Variants in ITPR2 observed in about 807,000 individuals in gnomAD.
ITPR2 encodes the protein inositol 1,4,5-trisphosphate-gated calcium channel ITPR2.
ITPR2 carries 207 observed loss-of-function variants against 317.1 expected under a neutral mutation model. The observed-to-expected ratio is 0.65, with a 90% CI of 0.58 to 0.73. The LOEUF is 0.73. Among genes scored for constraint, ITPR2 ranks in the 30% least tolerant of loss-of-function variants. The pLI is 0.00. For missense variants in ITPR2, 2,613 were observed against 3,284.0 expected (o/e 0.80, Z 4.99); for synonymous variants, 1,156 against 1,149.1 (o/e 1.01, Z -0.12).
intron 37 of ITPR2, among the ~76,000 whole-genome samples, chr12:26,545,850 C>G (rs1565594183): frequency 6.6e-6 from 1 of 152,322 alleles, no homozygotes; most frequent in East Asian, 1.9e-4. Context: ...GGACAAAATA[C>G]AGAGATCATG....
At chr12:26,617,728 G>GGGAAGGAGGA (rs1420689374) in intron 26 of ITPR2, among the ~76,000 whole-genome samples, 9,737 of 105,150 alleles carry the variant, frequency 0.093, 316 homozygotes, top group East Asian at 0.31. Context: ...AGGAGGAAGG[G>GGGAAGGAGGA]AGGGAGGGAG....
chr12:26,715,855 C>T lies in ITPR2; in HGVS notation c.625-20G>A, dbSNP rs761659340. 1 of 1,520,058 alleles carries T rather than the reference C, an allele frequency of 6.6e-7. No individual in the cohort carries two copies. The highest frequency in any genetic ancestry group is 1.7e-5 in the Admixed American group (1 of 59,500). 94.2% of individuals were successfully genotyped at this position (1,520,058 alleles called of 1,614,324 possible). On this transcript the variant is annotated intron_variant, in intron 6 of 56. Coordinates refer to ENST00000381340, the MANE Select transcript of ITPR2 (RefSeq NM_002223.4). ...ATTCACCTATTAATGAAGAAACGTT[C>T]AAAGTTATAAGACTACAGATTCCAT...
At chr12:26,788,082 C>T (rs552563774) in intron 2 of ITPR2, among the ~76,000 whole-genome samples, 1 of 152,090 alleles carries the variant, frequency 6.6e-6, no homozygotes, top group Admixed American at 6.5e-5. Context: ...GCCACCATGC[C>T]CGGCTAATTT....
intron 5 of ITPR2, among the ~76,000 whole-genome samples, chr12:26,721,009 G>C (rs1232840570): frequency 6.6e-6 from 1 of 152,122 alleles, no homozygotes; most frequent in African/African-American, 2.4e-5. Context: ...CCTGTAGACA[G>C]GGATACTATT....
intron 2 of ITPR2, among the ~76,000 whole-genome samples, chr12:26,766,989 T>G (rs1292420423): frequency 6.6e-6 from 1 of 152,176 alleles, no homozygotes; most frequent in Non-Finnish European, 1.5e-5. Flanking sequence ...ATACATACTT[T>G]TAATTATTAT....
At chr12:26,667,109 C>A (rs926410227) in intron 13 of ITPR2, among the ~76,000 whole-genome samples, 12 of 152,282 alleles carry the variant, frequency 7.9e-5, no homozygotes, top group African/African-American at 2.9e-4. Flanking sequence ...CTGTTATTAG[C>A]ATGTGAATAC....
intron 55 of ITPR2, among the ~76,000 whole-genome samples, chr12:26,358,554 T>C (rs530547116): frequency 6.6e-6 from 1 of 152,294 alleles, no homozygotes; most frequent in South Asian, 2.1e-4. Context: ...TTGAAATCCA[T>C]CATCCCGGCT....
rs1364649186 is a variant in ITPR2 at position 26,477,021 on chromosome 12, T to C, written c.6124-14A>G. Reference sequence around the variant, plus strand: ...AGATGCATTGTTCTAGAGACACAGATTGAGTTAATGTGCATGCAAAGTCTA... The same window carrying C: ...AGATGCATTGTTCTAGAGACACAGACTGAGTTAATGTGCATGCAAAGTCTA... On this transcript the variant is annotated splice_polypyrimidine_tract_variant and intron_variant, in intron 43 of 56. Transcript: ENST00000381340. 1.3e-6 allele frequency: 2 copies of C among 1,550,644 alleles called. No individual in the cohort carries two copies. The highest frequency in any genetic ancestry group is 1.7e-5 in the Admixed American group (1 of 59,268).
intron 52 of ITPR2, among the ~76,000 whole-genome samples, chr12:26,410,124 T>C (rs1227172516): frequency 1.3e-5 from 2 of 152,168 alleles, no homozygotes; most frequent in African/African-American, 2.4e-5. Context: ...CTCACTGTTA[T>C]AGTATGTGAG....
At chr12:26,467,363 C>G (rs904397549) in intron 45 of ITPR2, among the ~76,000 whole-genome samples, 1 of 151,694 alleles carries the variant, frequency 6.6e-6, no homozygotes, top group Non-Finnish European at 1.5e-5. Context: ...CTCTATCTCT[C>G]TCTCTCTCTC....
chr12:26,433,552 G>T (rs1270306018), intron 48 of ITPR2, among the ~76,000 whole-genome samples: 4 of 152,022 alleles, frequency 2.6e-5, no homozygotes, highest in African/African-American at 9.7e-5. Context: ...TCTTCATGGT[G>T]ATTTCAATTC....
intron 32 of ITPR2, among the ~76,000 whole-genome samples, chr12:26,582,126 T>G (rs1209649508): frequency 1.3e-5 from 2 of 152,198 alleles, no homozygotes; most frequent in South Asian, 4.1e-4. Flanking sequence ...TTCAAATAAT[T>G]TTTCAAGATG....
At chr12:26,420,985 A>T (rs1940873019) in intron 49 of ITPR2, among the ~76,000 whole-genome samples, 1 of 152,164 alleles carries the variant, frequency 6.6e-6, no homozygotes, top group African/African-American at 2.4e-5. Flanking sequence ...TAAAAATAAA[A>T]TAAATAATTG....
intron 15 of ITPR2, among the ~76,000 whole-genome samples, chr12:26,663,246 C>T (rs1451539112): frequency 6.6e-6 from 1 of 152,194 alleles, no homozygotes; most frequent in Non-Finnish European, 1.5e-5. Flanking sequence ...CTGGGCTCTC[C>T]CTCTGGTGAA....
intron 2 of ITPR2, among the ~76,000 whole-genome samples, chr12:26,783,810 A>T (rs1468204834): frequency 6.6e-6 from 1 of 151,712 alleles, no homozygotes; most frequent in Non-Finnish European, 1.5e-5. Flanking sequence ...TGACAAAAGC[A>T]TCAGACAGAC....
chr12:26,363,909 C>G (rs1457330135), intron 55 of ITPR2, among the ~76,000 whole-genome samples: 1 of 151,890 alleles, frequency 6.6e-6, no homozygotes, highest in African/African-American at 2.4e-5. Context: ...TCTTCTAAAA[C>G]AAAGAAAGAC....
intron 1 of ITPR2, among the ~76,000 whole-genome samples, chr12:26,828,603 C>T (rs1269832649): frequency 6.6e-6 from 1 of 152,138 alleles, no homozygotes; most frequent in African/African-American, 2.4e-5. Flanking sequence ...ATTCCATGGC[C>T]TTAATTAAGC....
At chr12:26,449,776 T>C (rs542773075) in intron 45 of ITPR2, among the ~76,000 whole-genome samples, 8 of 152,094 alleles carry the variant, frequency 5.3e-5, no homozygotes, top group African/African-American at 1.7e-4. Flanking sequence ...TAGAAGGTAA[T>C]TGGGAGCCAC....
chr12:26,721,840 C>T (rs141049430), intron 5 of ITPR2, among the ~76,000 whole-genome samples: 103 of 152,140 alleles, frequency 6.8e-4, no homozygotes, highest in African/African-American at 2.4e-3. Context: ...GTCTTGAACC[C>T]GTGGGCTCAA....
Sources: gnomAD v4.1 joint callset for allele counts (sites outside exome capture counted in the v4.1 genomes callset) on GRCh38, gnomAD v4.1.1 for gene constraint, MANE v1.5 for transcripts, NCBI Gene and HGNC (gene_info 2026-07-23, HGNC 2026-07-21) for gene names.